TMOD2: variants seen among roughly 807,000 people sequenced by gnomAD.
TMOD2 encodes the protein tropomodulin-2.
In TMOD2, 22 loss-of-function variants were observed where a neutral mutation model predicts 39.9. That is an observed-to-expected ratio of 0.55 (90% CI 0.39 to 0.79). The LOEUF is 0.79. TMOD2 is among the 30% of genes least tolerant of loss of function. The probability of loss-of-function intolerance (pLI) is 0.00; values close to 1 mark genes in which losing one functional copy is unlikely to be tolerated. For missense variants in TMOD2, 386 were observed against 413.3 expected (o/e 0.93, Z 0.57); for synonymous variants, 123 against 146.1 (o/e 0.84, Z 1.14).
At chr15:51,806,642 ATATAAGACGCATTAT>A in intron 9 of TMOD2, 121 bp downstream of exon 9, 1 of 1,099,926 alleles carries the variant, frequency 9.1e-7, no homozygotes, top group South Asian at 1.5e-5. Flanking sequence ...TCACTTCTTC[ATATAAGACGCATTAT>A]TATAATACAT....
chr15:51,752,231 C>T (rs1290182918), intron 1 of TMOD2, among the ~76,000 whole-genome samples: 1 of 152,124 alleles, frequency 6.6e-6, no homozygotes, highest in Non-Finnish European at 1.5e-5. Flanking sequence ...TCCCAGTAAG[C>T]GGCCTCGTGC....
At chr15:51,785,095 CT>C (rs1159961010) in intron 7 of TMOD2, 1 of 152,140 alleles carries the variant, frequency 6.6e-6, no homozygotes, top group African/African-American at 2.4e-5. Context: ...CAAATTTGAC[CT>C]TTTGTAACTT....
In TMOD2 at chr15:51,808,669, A is replaced by G. The variant is rs1319801269; in HGVS notation, c.*215A>G. On this transcript the variant is annotated 3_prime_UTR_variant, in exon 10 of 10. Transcript: ENST00000249700. ...TATTTGCTCATGGGCACTTCTGGCA[A>G]CTTGACAAATGGACCGATGCAGATT... is the stretch of plus-strand genomic sequence containing the variant. 7.5e-6 allele frequency: 3 copies of G among 397,958 alleles called. No individual in the cohort carries two copies. Among genetic ancestry groups the G allele is most frequent in the Non-Finnish European group, 1.3e-5 (3 of 222,926 alleles). The allele number at this position is 397,958 out of a possible 1,614,324, so 24.7% of individuals were successfully genotyped here.
At chr15:51,779,884 G>A (rs908053041) in intron 5 of TMOD2, among the ~76,000 whole-genome samples, 2 of 152,078 alleles carry the variant, frequency 1.3e-5, no homozygotes, top group Non-Finnish European at 2.9e-5. Flanking sequence ...GTCTCACTGT[G>A]TTGCCCAGCC....
At chr15:51,767,921 C>T (rs2055826679) in intron 2 of TMOD2, among the ~76,000 whole-genome samples, 2 of 152,222 alleles carry the variant, frequency 1.3e-5, no homozygotes. Flanking sequence ...ATGTTTCTGC[C>T]TGGGAGCACC....
intron 7 of TMOD2, among the ~76,000 whole-genome samples, chr15:51,789,584 C>T (rs8026521): frequency 0.44 from 67,505 of 151,960 alleles, 15,326 homozygotes; most frequent in Admixed American, 0.53. Flanking sequence ...ATCGCACTTA[C>T]TCTAAAACTG....
rs1019949265 is a variant in TMOD2, at chr15:51,813,136, TAAG to T, written c.*4686_*4688del. On this transcript the variant is annotated 3_prime_UTR_variant, in exon 10 of 10. Transcript: ENST00000249700. Reference sequence around the variant, plus strand: ...GGATTTTACTTTGTAGTTCAGGAGTTAAGAAGTCAAATTGCTGACCGAGGTGGG... The same window carrying T: ...GGATTTTACTTTGTAGTTCAGGAGTTAAGTCAAATTGCTGACCGAGGTGGG... 6.6e-6 allele frequency: 1 copy of T among 152,210 alleles called. No individual in the cohort carries two copies. Among genetic ancestry groups the T allele is most frequent in the Non-Finnish European group, 1.5e-5 (1 of 68,030 alleles). The allele number at this position is 152,210 out of a possible 1,614,324, so 9.4% of individuals were successfully genotyped here. A position where few individuals can be genotyped will look rare whatever the true frequency, so the allele number is the denominator to read the frequency against.
At chr15:51,755,779 C>T (rs1484576403) in intron 1 of TMOD2, among the ~76,000 whole-genome samples, 1 of 151,870 alleles carries the variant, frequency 6.6e-6, no homozygotes, top group Non-Finnish European at 1.5e-5. Flanking sequence ...ATACAGCATC[C>T]ATAAGTCATT....
At chr15:51,786,035 T>A (rs2055967746) in intron 7 of TMOD2, among the ~76,000 whole-genome samples, 2 of 152,154 alleles carry the variant, frequency 1.3e-5, no homozygotes, top group Non-Finnish European at 2.9e-5. Context: ...CAGGAAGATA[T>A]ACGTATATAT....
At chr15:51,781,711 C>A (rs1291172889) in intron 6 of TMOD2, among the ~76,000 whole-genome samples, 1 of 152,108 alleles carries the variant, frequency 6.6e-6, no homozygotes, top group Non-Finnish European at 1.5e-5. Flanking sequence ...AGCCACAATA[C>A]CTGTTATGAC....
rs779050824 is a variant in TMOD2 at position 51,773,763 on chromosome 15, A to G, written c.335A>G (p.Lys112Arg). 6.2e-7 allele frequency: 1 copy of G among 1,613,530 alleles called. No individual in the cohort carries two copies. Among genetic ancestry groups the G allele is most frequent in the Non-Finnish European group, 8.5e-7 (1 of 1,179,788 alleles). ...CCTATAGAAACTCGTAAAGAAGAAA[A>G]AGTGACCCTTGACCCAGAACTGGAA... is the stretch of plus-strand genomic sequence containing the variant. ...EKPIETRKEEKVTLDPELEEA... is the reference protein window; with the variant it reads ...EKPIETRKEERVTLDPELEEA... Residue 112 changes from lysine (K) to arginine (R), a missense_variant, in exon 4 of 10, where the codon AAA (lysine) becomes AGA (arginine). Coordinates refer to ENST00000249700, the MANE Select transcript of TMOD2 (RefSeq NM_014548.4).
intron 1 of TMOD2, among the ~76,000 whole-genome samples, chr15:51,757,529 T>A (rs2055750825): frequency 6.6e-6 from 1 of 152,178 alleles, no homozygotes; most frequent in South Asian, 2.1e-4. Context: ...TTTAATCCTA[T>A]TTTCTGTTTT....
chr15:51,766,417 C>G lies in TMOD2; in HGVS notation c.-25C>G, dbSNP rs1410359981. 1 of 1,610,568 alleles carries G rather than the reference C, an allele frequency of 6.2e-7. No individual in the cohort carries two copies. Among genetic ancestry groups the G allele is most frequent in the African/African-American group, 1.3e-5 (1 of 74,600 alleles). On this transcript the variant is annotated 5_prime_UTR_variant, in exon 2 of 10. Coordinates refer to ENST00000249700, the MANE Select transcript of TMOD2 (RefSeq NM_014548.4). Reference sequence around the variant, plus strand: ...ACTGGACCATTTAAATGTGCATGGCCCATGAGAAAGGCTTATAAGAAGCCA... The same window carrying G: ...ACTGGACCATTTAAATGTGCATGGCGCATGAGAAAGGCTTATAAGAAGCCA...
rs565935557 is a variant in TMOD2, at chr15:51,802,796, G to A, written c.877-3581G>A. 6.9e-4 allele frequency among the ~76,000 whole-genome samples: 105 copies of A among 152,256 alleles called. 1 individual carries two copies. The highest frequency in any genetic ancestry group is 2.4e-3 in the African/African-American group (101 of 41,524). On this transcript the variant is annotated intron_variant, in intron 8 of 9. Coordinates refer to ENST00000249700, the MANE Select transcript of TMOD2 (RefSeq NM_014548.4). ...CCCATTTACTCAAAATGCTTAGAGCGTTAATCTCTACCATAATTATTATTG... is the reference window on the plus strand; with the variant it reads ...CCCATTTACTCAAAATGCTTAGAGCATTAATCTCTACCATAATTATTATTG...
intron 8 of TMOD2, among the ~76,000 whole-genome samples, chr15:51,798,552 G>T (rs1200136997): frequency 1.3e-5 from 2 of 152,192 alleles, no homozygotes; most frequent in Non-Finnish European, 2.9e-5. Context: ...GGCAGCCTGG[G>T]ACATAAAGAG....
At chr15:51,776,326 A>G (rs2055889152) in intron 4 of TMOD2, among the ~76,000 whole-genome samples, 1 of 152,192 alleles carries the variant, frequency 6.6e-6, no homozygotes, top group Non-Finnish European at 1.5e-5. Flanking sequence ...TCAGCCCCGC[A>G]TTCATTCTTC....
chr15:51,801,294 C>T (rs2056088428), intron 8 of TMOD2, among the ~76,000 whole-genome samples: 1 of 143,014 alleles, frequency 7.0e-6, no homozygotes, highest in South Asian at 2.1e-4. Context: ...CCCTGTCTCT[C>T]TCTCTCTCTC....
At position 51,798,173 on chromosome 15, in the gene TMOD2, T is replaced by G. The variant is rs2056064368; in HGVS notation, c.733-24T>G. On this transcript the variant is annotated intron_variant, in intron 7 of 9. Transcript: ENST00000249700. ...TTAGAAATTCTAACTTAATTCTAAGTTTTTTTTCTTTTTGCATCATAAGGC... is the reference window on the plus strand; with the variant it reads ...TTAGAAATTCTAACTTAATTCTAAGGTTTTTTTCTTTTTGCATCATAAGGC... 2.6e-6 allele frequency: 4 copies of G among 1,559,926 alleles called. No homozygotes were observed. Among genetic ancestry groups the G allele is most frequent in the Non-Finnish European group, 3.4e-6 (4 of 1,161,660 alleles).
intron 1 of TMOD2, chr15:51,752,464 A>C (rs2055712427): frequency 6.6e-6 from 1 of 152,254 alleles, no homozygotes; most frequent in African/African-American, 2.4e-5. Context: ...GGCCGTGCTT[A>C]CTGCAGCTTC....
Sources: gnomAD v4.1 joint callset for allele counts (sites outside exome capture counted in the v4.1 genomes callset) on GRCh38, gnomAD v4.1.1 for gene constraint, MANE v1.5 for transcripts, NCBI Gene and HGNC (gene_info 2026-07-23, HGNC 2026-07-21) for gene names.